Variants in XIST observed in about 807,000 individuals in gnomAD.
XIST encodes X inactive specific transcript, also known as X inactive specific transcript (non-protein coding).
At chrX:73,826,926 G>T (rs778291785) in exon 6 of XIST, 6 of 556,575 alleles carry the variant, frequency 1.1e-5, no homozygotes, top group Non-Finnish European at 1.6e-5. Flanking sequence ...CAAGCCTTGA[G>T]ACTTCCATCC....
At position 73,847,949 on chromosome X, in the gene XIST, T is replaced by C. The variant is rs368388768; in HGVS notation, n.4775A>G. On this transcript the variant is annotated non_coding_transcript_exon_variant, in exon 1 of 6. Transcript: ENST00000429829. ...AATGGATCTGATCTGAAAGACATTG[T>C]TGTGATCAGTTGCCATGGTTCACAT... 55 of 557,644 alleles carry C rather than the reference T, an allele frequency of 9.9e-5. No individual in the cohort carries two copies. In the Middle Eastern group the frequency reaches 2.8e-3, roughly 28 times the overall value. 46.0% of individuals were successfully genotyped at this position (557,644 alleles called of 1,213,427 possible).
chrX:73,822,079 T>A (rs1244556560), exon 6 of XIST: 2 of 558,588 alleles, frequency 3.6e-6, no homozygotes, highest in Admixed American at 4.4e-5. Context: ...ACCTTGTAAA[T>A]GCACTTCAAA....
In XIST at chrX:73,826,505, C is replaced by A. The variant is rs775377011; in HGVS notation, n.13396G>T. On this transcript the variant is annotated non_coding_transcript_exon_variant, in exon 6 of 6. Coordinates refer to ENST00000429829, the Ensembl canonical transcript of XIST. ...AAAGCTGGCTCAAGACTGGCCCAGG[C>A]ATAATACTGTCAATCTAAAGGTAAC... is the stretch of plus-strand genomic sequence containing the variant. 3.6e-5 allele frequency: 20 copies of A among 557,514 alleles called. No individual in the cohort carries two copies. In the Middle Eastern group the frequency reaches 5.9e-3, roughly 163 times the overall value. 45.9% of individuals were successfully genotyped at this position (557,514 alleles called of 1,213,427 possible).
chrX:73,842,962 G>A, exon 1 of XIST: 1 of 558,854 alleles, frequency 1.8e-6, no homozygotes, highest in Non-Finnish European at 3.2e-6. Context: ...TGACACCATG[G>A]CTACCTGTGA....
chrX:73,833,014 T>C (rs1922414880), intron 3 of XIST, among the ~76,000 whole-genome samples: 1 of 110,405 alleles, frequency 9.1e-6, no homozygotes, highest in South Asian at 3.9e-4. Flanking sequence ...CCAGAGTAGG[T>C]AGGACTACAG....
rs776443877 is a variant in XIST, at chrX:73,824,322, CAATAT to C, written n.15574_15578del. 9.5e-5 allele frequency: 49 copies of C among 518,465 alleles called. No individual in the cohort carries two copies. The African/African-American group carries it at 1.0e-3, about 11-fold the overall frequency. The allele number at this position is 518,465 out of a possible 1,213,427, so 42.7% of individuals were successfully genotyped here. ...TTCAAATTTTCCTACTTTATTTGCA[CAATAT>C]AATAACTATCATACAATTTTATAAA... On this transcript the variant is annotated non_coding_transcript_exon_variant, in exon 6 of 6. Coordinates refer to ENST00000429829, the Ensembl canonical transcript of XIST.
exon 6 of XIST, chrX:73,824,879 TATAGAGG>T: frequency 1.8e-6 from 1 of 555,281 alleles, no homozygotes; most frequent in Non-Finnish European, 3.3e-6. Flanking sequence ...ATCTGAATAG[TATAGAGG>T]ATAAACTTTC....
exon 1 of XIST, chrX:73,850,764 G>A: frequency 3.5e-6 from 1 of 289,035 alleles, no homozygotes; most frequent in Non-Finnish European, 6.5e-6. Flanking sequence ...GGGTTGGGGG[G>A]TGGGGGGGGA....
At chrX:73,823,983 G>C (rs757461869) in exon 6 of XIST, 5 of 551,223 alleles carry the variant, frequency 9.1e-6, no homozygotes, top group Non-Finnish European at 1.3e-5. Context: ...TGTAGGCTTT[G>C]TAAATCTACA....
exon 1 of XIST, chrX:73,850,690 AG>A (rs1299801536): frequency 4.2e-6 from 1 of 239,729 alleles, no homozygotes; most frequent in South Asian, 3.5e-5. Context: ...AGAGGGGGGT[AG>A]GGGGGTAGGG....
chrX:73,837,498 G>A (rs1362090457), exon 2 of XIST: 1 of 509,191 alleles, frequency 2.0e-6, no homozygotes, highest in East Asian at 3.6e-5. Flanking sequence ...TATCTTCAAT[G>A]GGATCCTGGA....
exon 1 of XIST, chrX:73,844,491 T>C (rs773811877): frequency 1.4e-5 from 8 of 557,318 alleles, no homozygotes; most frequent in Admixed American, 2.2e-5. Flanking sequence ...AGTAGGACTT[T>C]ATTCAAATAG....
chrX:73,849,266 T>C (rs1289480299), exon 1 of XIST: 3 of 559,081 alleles, frequency 5.4e-6, no homozygotes, highest in East Asian at 3.2e-5. Flanking sequence ...CTTTGTTTAA[T>C]AGGCAAAGCT....
exon 1 of XIST, chrX:73,849,041 T>C (rs770927182): frequency 2.9e-5 from 16 of 557,752 alleles, no homozygotes; most frequent in Non-Finnish European, 5.2e-5. Flanking sequence ...AAGGCCATAG[T>C]GTAACTAACA....
chrX:73,838,938 T>C (rs1922537104), intron 1 of XIST, among the ~76,000 whole-genome samples: 2 of 111,692 alleles, frequency 1.8e-5, no homozygotes, highest in South Asian at 7.4e-4. Flanking sequence ...ATCATTACTC[T>C]TTGCCATCCA....
chrX:73,849,895 G>A, exon 1 of XIST: 1 of 387,416 alleles, frequency 2.6e-6, no homozygotes, highest in Non-Finnish European at 4.7e-6. Context: ...GGCGGGGTGG[G>A]AGTAGGGCTG....
Position 73,821,979 on chromosome X carries a change from C to T in XIST, n.17922G>A, listed in dbSNP as rs761023938. 1.3e-4 allele frequency: 72 copies of T among 556,383 alleles called. No individual in the cohort carries two copies. Among genetic ancestry groups the T allele is most frequent in the Non-Finnish European group, 4.5e-5 (14 of 308,683 alleles). The allele number at this position is 556,383 out of a possible 1,213,427, so 45.9% of individuals were successfully genotyped here. On this transcript the variant is annotated non_coding_transcript_exon_variant, in exon 6 of 6. Coordinates refer to ENST00000429829, the Ensembl canonical transcript of XIST. ...ATGTCTCCATCTCCATTTTGCTATG[C>T]GTTATCTGAGGATTGTTTCTGAAAG...
chrX:73,823,588 T>C, exon 6 of XIST: 1 of 558,711 alleles, frequency 1.8e-6, no homozygotes, highest in South Asian at 2.2e-5. Flanking sequence ...CCTTTACTTC[T>C]GTAGGCCAGG....
At chrX:73,849,749 T>C (rs904077982) in exon 1 of XIST, 12 of 549,043 alleles carry the variant, frequency 2.2e-5, no homozygotes, top group Admixed American at 9.1e-5. Context: ...GGATAAGCAA[T>C]GGACAACTTA....
Sources: gnomAD v4.1 joint callset for allele counts (sites outside exome capture counted in the v4.1 genomes callset) on GRCh38, gnomAD v4.1.1 for gene constraint, MANE v1.5 for transcripts, NCBI Gene and HGNC (gene_info 2026-07-23, HGNC 2026-07-21) for gene names.